Variants in TEP1 observed in about 807,000 individuals in gnomAD.
The protein encoded by TEP1 is telomerase protein component 1.
In TEP1, 241 loss-of-function variants were observed where a neutral mutation model predicts 306.3. The ratio of observed to expected loss-of-function variants is 0.79; its 90% CI spans 0.71 to 0.88. The LOEUF is 0.88. Among genes scored for constraint, TEP1 ranks in the 40% least tolerant of loss-of-function variants. TEP1 has a pLI of 0.00. For missense variants in TEP1, 3,051 were observed against 3,276.1 expected (o/e 0.93, Z 1.68); for synonymous variants, 1,289 against 1,305.5 (o/e 0.99, Z 0.27).
intron 17 of TEP1, among the ~76,000 whole-genome samples, chr14:20,388,476 C>A (rs1877402606): frequency 6.6e-6 from 1 of 151,954 alleles, no homozygotes; most frequent in African/African-American, 2.4e-5. Context: ...AGAGGAAAAG[C>A]CAGGGGAGAA....
intron 11 of TEP1, 68 bp from the exon 12 acceptor site, chr14:20,395,695 G>A (rs1432565101): frequency 6.4e-7 from 1 of 1,554,694 alleles, no homozygotes; most frequent in Non-Finnish European, 8.8e-7. Flanking sequence ...TACCAGTAAT[G>A]TGACCTGAGC....
Position 20,381,701 on chromosome 14 carries a change from G to A in TEP1, c.4425-15C>T, listed in dbSNP as rs760555412. On this transcript the variant is annotated splice_polypyrimidine_tract_variant and intron_variant, in intron 30 of 54. Coordinates refer to ENST00000262715, the MANE Select transcript of TEP1 (RefSeq NM_007110.5). This position sits in a 1 kb window ranked among gnomAD's most constrained non-coding sequence, Gnocchi z 4.0. ...CCCCTAGCAAACTGTCCTCGTGTGAGGAAGGGAGAGAGAAGAAGGAAGAGG... is the reference window on the plus strand; with the variant it reads ...CCCCTAGCAAACTGTCCTCGTGTGAAGAAGGGAGAGAGAAGAAGGAAGAGG... 2 of 1,583,826 alleles carry A rather than the reference G, an allele frequency of 1.3e-6. No homozygotes were observed. The highest frequency in any genetic ancestry group is 1.9e-5 in the Admixed American group (1 of 52,394).
chr14:20,395,877 C>G lies in TEP1; in HGVS notation c.1732G>C (p.Ala578Pro). 1 of 1,613,882 alleles carries G rather than the reference C, an allele frequency of 6.2e-7. No homozygotes were observed. Among genetic ancestry groups the G allele is most frequent in the South Asian group, 1.1e-5 (1 of 91,056 alleles). Residue 578 changes from alanine to proline, a missense_variant, in exon 11 of 55, where the codon GCT (alanine) becomes CCT (proline). Ala to Pro is a conservative substitution (Grantham distance 27). This residue lies in a region of TEP1 where 1,507 missense variants were observed against 1,550.5 expected (regional missense o/e 0.97). Coordinates refer to ENST00000262715, the MANE Select transcript of TEP1 (RefSeq NM_007110.5). ...NAHDAIDALE[A>P]QLRNQALPFP... ...AGAATACCTTGATTTCTGAGTTGAG[C>G]CTCGAGGGCATCAATGGCATCATGG...
intron 15 of TEP1, among the ~76,000 whole-genome samples, chr14:20,390,372 T>G (rs1269509207): frequency 1.3e-5 from 2 of 152,256 alleles, no homozygotes; most frequent in East Asian, 3.8e-4. Flanking sequence ...TACACAGCAG[T>G]GTGCTCCTGA....
Position 20,379,922 on chromosome 14 carries a change from T to C in TEP1, c.5127+8A>G. 3 of 1,606,794 alleles carry C rather than the reference T, an allele frequency of 1.9e-6. No individual in the cohort carries two copies. Among genetic ancestry groups the C allele is most frequent in the Non-Finnish European group, 2.5e-6 (3 of 1,177,550 alleles). On this transcript the variant is annotated splice_region_variant and intron_variant, in intron 35 of 54. Coordinates refer to ENST00000262715, the MANE Select transcript of TEP1 (RefSeq NM_007110.5). ...AGGGTAAATTCTGCCCCTCCTTGAT[T>C]GTCATACCTGCCAAGTTCTCAGGTC...
Position 20,381,519 on chromosome 14 carries a change from A to G in TEP1, c.4558+34T>C, listed in dbSNP as rs200547791. 1.5e-4 allele frequency: 248 copies of G among 1,613,148 alleles called. 1 individual carries two copies. In the African/African-American group the frequency reaches 2.7e-3, roughly 18 times the overall value. ...CCTGGCCTCCAGGCCCAAGCCCCACACTCAGTGCCCAGGCTGACTTGGGCT... is the reference window on the plus strand; with the variant it reads ...CCTGGCCTCCAGGCCCAAGCCCCACGCTCAGTGCCCAGGCTGACTTGGGCT... On this transcript the variant is annotated intron_variant, in intron 31 of 54. Transcript: ENST00000262715. The surrounding 1 kb of genome is among the most constrained non-coding windows in gnomAD (Gnocchi z 4.0).
Position 20,403,410 on chromosome 14 carries a change from C to T in TEP1, c.1233G>A (p.Arg411=). Residue 411 remains arginine, a synonymous_variant, in exon 7 of 55, where the codon AGG becomes AGA. Coordinates refer to ENST00000262715, the MANE Select transcript of TEP1 (RefSeq NM_007110.5). ...GCTCTTCTCTGAGAAACCCTATGTA[C>T]CTTGGAAAACATCTGTGAGAAAATG... ...EPPFSHRCFP[R]YIGFLREEQR... The T allele has an allele frequency of 6.2e-7, 1 of 1,614,128 alleles. No individual in the cohort carries two copies. Among genetic ancestry groups the T allele is most frequent in the Middle Eastern group, 1.6e-4 (1 of 6,062 alleles).
At chr14:20,372,920 TC>T in intron 48 of TEP1, 63 bp from the exon 49 acceptor site, 1 of 1,613,238 alleles carries the variant, frequency 6.2e-7, no homozygotes, top group Non-Finnish European at 8.5e-7. Context: ...ATCTTTTCCC[TC>T]CCAGGCACAT....
In TEP1 at chr14:20,390,861, C is replaced by T. The variant is rs546631029; in HGVS notation, c.2256+77G>A. 209 of 1,610,338 alleles carry T rather than the reference C, an allele frequency of 1.3e-4. 2 individuals carry two copies. The South Asian group carries it at 2.2e-3, about 17-fold the overall frequency. On this transcript the variant is annotated intron_variant, in intron 14 of 54. Coordinates refer to ENST00000262715, the MANE Select transcript of TEP1 (RefSeq NM_007110.5). ...TCTTCAGAACTGTGTATTGTCTGTG[C>T]CTTTACCAAATATCTGGGCTATTCC...
intron 12 of TEP1, among the ~76,000 whole-genome samples, chr14:20,392,528 G>A (rs1877813019): frequency 6.6e-6 from 1 of 152,160 alleles, no homozygotes; most frequent in African/African-American, 2.4e-5. Flanking sequence ...GAGGAAGGAG[G>A]CAAATCCAGA....
At position 20,400,854 on chromosome 14, in the gene TEP1, TA is replaced by T. The variant is rs1878653036; in HGVS notation, c.1549+129del. On this transcript the variant is annotated intron_variant, in intron 9 of 54. Coordinates refer to ENST00000262715, the MANE Select transcript of TEP1 (RefSeq NM_007110.5). ...TTGGTGTAGTCAATGGCAGACCTTATAAATCAAATACAACAACCAGGCAAAG... is the reference window on the plus strand; with the variant it reads ...TTGGTGTAGTCAATGGCAGACCTTATAATCAAATACAACAACCAGGCAAAG... 8 of 1,247,106 alleles carry T rather than the reference TA, an allele frequency of 6.4e-6. No individual in the cohort carries two copies. In the South Asian group the frequency reaches 1.1e-4, roughly 16 times the overall value. 77.3% of individuals were successfully genotyped at this position (1,247,106 alleles called of 1,614,324 possible). A position where few individuals can be genotyped will look rare whatever the true frequency, so the allele number is the denominator to read the frequency against.
chr14:20,378,683 T>G, intron 37 of TEP1, 71 bp downstream of exon 37: 1 of 1,586,856 alleles, frequency 6.3e-7, no homozygotes, highest in East Asian at 2.2e-5. Flanking sequence ...TCTGCCGCAC[T>G]GAGAGAACAA....
intron 41 of TEP1, 78 bp from the exon 42 acceptor site, chr14:20,376,342 C>A: frequency 6.8e-7 from 1 of 1,476,146 alleles, no homozygotes. Flanking sequence ...AAGACAGGAG[C>A]GGCCATGGGG....
At chr14:20,389,505 G>A (rs2139104623) in intron 16 of TEP1, 105 bp downstream of exon 16, 1 of 1,536,534 alleles carries the variant, frequency 6.5e-7, no homozygotes, top group South Asian at 1.2e-5. Flanking sequence ...AGGCAGAGTT[G>A]GGGAGATCCC....
chr14:20,388,101 A>ACCC, intron 17 of TEP1, 38 bp from the exon 18 acceptor site: 1 of 1,609,950 alleles, frequency 6.2e-7, no homozygotes, highest in Non-Finnish European at 8.5e-7. Context: ...GTAGAATACC[A>ACCC]CAGGTCGAAA....
chr14:20,407,924 A>C lies in TEP1; in HGVS notation c.516T>G (p.Pro172=). ...TGGCAGAGATGGATTTCAGGGCTAT[A>C]GGGCAGGTTGAAAGGTCTAGTCCCT... ...FSKGLDLSTC[P]IALKSISATE... Residue 172 remains proline (P), a synonymous_variant, in exon 2 of 55, where the codon CCT becomes CCG. Transcript: ENST00000262715. The C allele has an allele frequency of 6.2e-7, 1 of 1,613,300 alleles. No individual in the cohort carries two copies. Among genetic ancestry groups the C allele is most frequent in the Non-Finnish European group, 8.5e-7 (1 of 1,179,642 alleles).
At position 20,376,243 on chromosome 14, in the gene TEP1, C is replaced by A; in HGVS notation, c.6110G>T (p.Trp2037Leu). ...TGGCCGCGTCAGCAGCTGCCTTGGC[C>A]ACAGCTGCACTGTGAAATCCTCTGC... ...SASEDFTVQL[W>L]PRQLLTRPHK... The change falls in exon 42 of 55, where the codon TGG becomes TTG. Residue 2037 changes from tryptophan (W) to leucine (L), a missense_variant. Trp to Leu is a moderately conservative substitution (Grantham distance 61). Transcript: ENST00000262715. 6.2e-7 allele frequency: 1 copy of A among 1,613,646 alleles called. No homozygotes were observed. Among genetic ancestry groups the A allele is most frequent in the Non-Finnish European group, 8.5e-7 (1 of 1,179,884 alleles).
At chr14:20,399,453 G>A (rs1048101842) in intron 9 of TEP1, among the ~76,000 whole-genome samples, 1 of 151,744 alleles carries the variant, frequency 6.6e-6, no homozygotes, top group Non-Finnish European at 1.5e-5. Flanking sequence ...AATGAGATCT[G>A]TGGTCTTCAA....
In TEP1 at chr14:20,371,256, C is replaced by A; in HGVS notation, c.7279G>T (p.Val2427Phe). 1 of 1,614,170 alleles carries A rather than the reference C, an allele frequency of 6.2e-7. No individual in the cohort carries two copies. Among genetic ancestry groups the A allele is most frequent in the Non-Finnish European group, 8.5e-7 (1 of 1,180,026 alleles). The stretch of plus-strand genomic sequence containing the variant: ...ACTCCAGGATCCTTGGGCTGCAGGA[C>A]AAATATGCCATACTCCTTGTGGGTG... ...LSTHKEYGIF[V>F]LQPKDPGVLS... Residue 2427 changes from valine (V) to phenylalanine (F), a missense_variant, in exon 51 of 55, where the codon GTC becomes TTC. Val to Phe is a conservative substitution (Grantham distance 50, BLOSUM62 -1). Transcript: ENST00000262715.
Sources: allele counts gnomAD v4.1 joint callset (sites outside exome capture counted in the v4.1 genomes callset), GRCh38; gene constraint gnomAD v4.1.1; regional missense constraint gnomAD v4.1.1; non-coding constraint Gnocchi (gnomAD v3.1); transcripts MANE v1.5; gene names NCBI Gene and HGNC (gene_info 2026-07-23, HGNC 2026-07-21).